The following TNK2 variants were observed in gnomAD, a reference collection of about 807,000 sequenced individuals.
The protein encoded by TNK2 is activated CDC42 kinase 1.
Under a neutral mutation model 101.8 loss-of-function variants are expected in TNK2, and 83 were observed. The ratio of observed to expected loss-of-function variants is 0.82; its 90% CI spans 0.68 to 0.98. The LOEUF (loss-of-function observed/expected upper bound fraction) is 0.98. TNK2 is among the 50% of genes least tolerant of loss of function. The probability of loss-of-function intolerance (pLI) is 0.00; values close to 1 mark genes in which losing one functional copy is unlikely to be tolerated. For synonymous variants in TNK2, 804 were observed against 633.0 expected (o/e 1.27, Z -4.06); for missense variants, 1,665 against 1,483.2 (o/e 1.12, Z -2.01).
intron 9 of TNK2, chr3:195,876,746 C>T (rs922642550): frequency 1.6e-5 from 7 of 426,238 alleles, no homozygotes; most frequent in African/African-American, 6.1e-5. Context: ...CGGGGGCCTT[C>T]GACGGAAGGG....
chr3:195,869,650 A>G, intron 11 of TNK2, 109 bp from the exon 12 acceptor site: 1 of 1,140,184 alleles, frequency 8.8e-7, no homozygotes, highest in Non-Finnish European at 1.3e-6. Flanking sequence ...AAGGGAGAGA[A>G]GTGAATGGGG....
At chr3:195,864,941 G>C (rs1165367994) in intron 15 of TNK2, among the ~76,000 whole-genome samples, 12 of 115,884 alleles carry the variant, frequency 1.0e-4, no homozygotes, top group South Asian at 6.1e-4. Flanking sequence ...CAGGTGACAC[G>C]GAGTGCCTGC....
In TNK2 at chr3:195,867,718, C is replaced by A; in HGVS notation, c.2580G>T (p.Leu860=). 1 of 1,605,808 alleles carries A rather than the reference C, an allele frequency of 6.2e-7. No homozygotes were observed. The highest frequency in any genetic ancestry group is 8.5e-7 in the Non-Finnish European group (1 of 1,177,206). Residue 860 remains leucine (L), a synonymous_variant, in exon 13 of 16, where the codon CTG becomes CTT. Coordinates refer to ENST00000672887, the MANE Select transcript of TNK2 (RefSeq NM_001382273.1). ...APGPRAGPCI[L]PIVRDGKKVS... Reference sequence around the variant, plus strand: ...CCTTCTTGCCATCCCGGACGATGGGCAGGATGCAGGGACCAGCCCGCGGGC... The same window carrying A: ...CCTTCTTGCCATCCCGGACGATGGGAAGGATGCAGGGACCAGCCCGCGGGC...
chr3:195,875,818 G>C (rs907294872), intron 9 of TNK2, among the ~76,000 whole-genome samples: 1 of 152,110 alleles, frequency 6.6e-6, no homozygotes, highest in Non-Finnish European at 1.5e-5. Context: ...GCTGCCCCCG[G>C]GCCTCTGGTC....
At chr3:195,872,207 C>T (rs1462726662) in intron 10 of TNK2, 69 bp downstream of exon 10, 8 of 1,554,266 alleles carry the variant, frequency 5.1e-6, no homozygotes, top group African/African-American at 1.4e-5. Flanking sequence ...TCCGCCCACG[C>T]GTGCCGTGCT....
At chr3:195,887,942 G>A (rs1756763981) in intron 2 of TNK2, among the ~76,000 whole-genome samples, 1 of 119,126 alleles carries the variant, frequency 8.4e-6, no homozygotes, top group African/African-American at 3.8e-5. Flanking sequence ...GTGCGCATGT[G>A]CGTGTGTGCC....
intron 1 of TNK2, among the ~76,000 whole-genome samples, chr3:195,902,104 G>A (rs1007589528): frequency 6.6e-6 from 1 of 152,158 alleles, no homozygotes; most frequent in African/African-American, 2.4e-5. Flanking sequence ...GAATGGTAGA[G>A]GAAAAACCAC....
intron 6 of TNK2, 114 bp downstream of exon 6, chr3:195,881,937 C>T: frequency 1.5e-6 from 2 of 1,305,666 alleles, no homozygotes; most frequent in African/African-American, 3.0e-5. Flanking sequence ...AGGCTTAGAA[C>T]AGACAAGGGC....
In TNK2 at chr3:195,867,874, G is replaced by T; in HGVS notation, c.2424C>A (p.Ser808Arg). The stretch of plus-strand genomic sequence containing the variant: ...GGGAGCTGCCAGGTGGTACCAGGGG[G>T]CTGGGTGTCCTCGAGCCTTGAGGGG... ...PLSPQGSRTPSPLVPPGSSPL... is the reference protein window; with the variant it reads ...PLSPQGSRTPRPLVPPGSSPL... The change falls in exon 13 of 16, where the codon AGC becomes AGA. Residue 808 changes from serine (S) to arginine (R), a missense_variant. Ser to Arg is a moderately radical substitution (Grantham distance 110). Coordinates refer to ENST00000672887, the MANE Select transcript of TNK2 (RefSeq NM_001382273.1). 2.0e-6 allele frequency: 3 copies of T among 1,530,634 alleles called. No individual in the cohort carries two copies. The highest frequency in any genetic ancestry group is 2.6e-6 in the Non-Finnish European group (3 of 1,145,552). 94.8% of individuals were successfully genotyped at this position (1,530,634 alleles called of 1,614,324 possible).
chr3:195,867,259 C>A lies in TNK2; in HGVS notation c.2943G>T (p.Gln981His). The A allele has an allele frequency of 6.2e-7, 1 of 1,611,554 alleles. No individual in the cohort carries two copies. The highest frequency in any genetic ancestry group is 8.5e-7 in the Non-Finnish European group (1 of 1,179,200). Residue 981 changes from glutamine to histidine, a missense_variant, in exon 14 of 16, where the codon CAG becomes CAT. Physicochemically the swap from Gln to His is conservative, Grantham distance 24. Coordinates refer to ENST00000672887, the MANE Select transcript of TNK2 (RefSeq NM_001382273.1). Reference protein sequence around the residue: ...GRPADKIQMLQAMVHGVTTEE... With the variant: ...GRPADKIQMLHAMVHGVTTEE... ...CTGTGGTCACCCCATGCACCATGGCCTGCAGCTGGGCACACCCACCCCTGT... is the reference window on the plus strand; with the variant it reads ...CTGTGGTCACCCCATGCACCATGGCATGCAGCTGGGCACACCCACCCCTGT...
At chr3:195,884,766 C>A in intron 4 of TNK2, 46 bp downstream of exon 4, 1 of 1,542,778 alleles carries the variant, frequency 6.5e-7, no homozygotes, top group Non-Finnish European at 8.8e-7. Context: ...ACTACCAGCC[C>A]CGGGTCCCAT....
intron 1 of TNK2, among the ~76,000 whole-genome samples, chr3:195,901,905 G>A (rs533162841): frequency 5.0e-4 from 76 of 152,306 alleles, no homozygotes; most frequent in African/African-American, 1.7e-3. Flanking sequence ...CATTGGACTC[G>A]CTGAGTGGAT....
At chr3:195,868,830 C>G (rs78292793) in intron 12 of TNK2, 121 bp from the exon 13 acceptor site, 2 of 1,252,242 alleles carry the variant, frequency 1.6e-6, no homozygotes, top group Middle Eastern at 2.7e-4. Context: ...CCCAACTCCC[C>G]CCGAGGTCTG....
chr3:195,876,507 G>A (rs1235890079), intron 9 of TNK2: 1 of 456,680 alleles, frequency 2.2e-6, no homozygotes, highest in East Asian at 6.9e-5. Flanking sequence ...GATATTCAGG[G>A]ACTGAAGAAA....
chr3:195,867,734 G>GC lies in TNK2; in HGVS notation c.2563dup (p.Ala855GlyfsTer39), dbSNP rs1560470378. 6.2e-7 allele frequency: 1 copy of GC among 1,602,668 alleles called. No individual in the cohort carries two copies. On this transcript the variant is annotated frameshift_variant, in exon 13 of 16. Transcript: ENST00000672887. LOFTEE classifies it high-confidence loss of function. Reference sequence around the variant, plus strand: ...GACGATGGGCAGGATGCAGGGACCAGCCCGCGGGCCAGGGGCCTGGATCAC... The same window carrying GC: ...GACGATGGGCAGGATGCAGGGACCAGCCCCGCGGGCCAGGGGCCTGGATCAC...
chr3:195,881,641 C>A (rs1308890885), intron 6 of TNK2, among the ~76,000 whole-genome samples: 1 of 100,964 alleles, frequency 9.9e-6, no homozygotes, highest in Non-Finnish European at 2.0e-5. Context: ...TAACACCCCC[C>A]CCCCAGCAAC....
chr3:195,891,542 G>A (rs1758424073), intron 1 of TNK2, among the ~76,000 whole-genome samples: 1 of 152,230 alleles, frequency 6.6e-6, no homozygotes. Flanking sequence ...AAGAGGACCA[G>A]GCGTCGTGGC....
Position 195,868,337 on chromosome 3 carries a change from G to T in TNK2, c.1961C>A (p.Ala654Asp). 6.2e-7 allele frequency: 1 copy of T among 1,602,012 alleles called. No individual in the cohort carries two copies. Residue 654 changes from alanine (A) to aspartate (D), a missense_variant, in exon 13 of 16, where the codon GCC (alanine) becomes GAC (aspartate). Physicochemically the swap from Ala to Asp is moderately radical, Grantham distance 126. This residue lies in a region of TNK2 where 1,136 missense variants were observed against 894.9 expected (regional missense o/e 1.27). Transcript: ENST00000672887. ...LPPPPAYDDV[A>D]QDEDDFEICS... ...GATCTCAAAGTCATCCTCATCCTGG[G>T]CCACGTCGTCATAGGCGGGCGGGGG...
chr3:195,868,948 G>A (rs528149485), intron 12 of TNK2: 113 of 553,952 alleles, frequency 2.0e-4, no homozygotes, highest in Middle Eastern at 9.6e-4. Flanking sequence ...GCCCCGCCTC[G>A]CTCCGTCTAA....
Sources: allele counts gnomAD v4.1 joint callset (sites outside exome capture counted in the v4.1 genomes callset), GRCh38; gene constraint gnomAD v4.1.1; regional missense constraint gnomAD v4.1.1; transcripts MANE v1.5; gene names NCBI Gene and HGNC (gene_info 2026-07-23, HGNC 2026-07-21).